PCDHGA3: variants seen among roughly 807,000 people sequenced by gnomAD.
PCDHGA3 encodes protocadherin gamma-A3.
In PCDHGA3, 40 loss-of-function variants were observed where a neutral mutation model predicts 58.5. The ratio of observed to expected loss-of-function variants is 0.68; its 90% CI spans 0.53 to 0.89. PCDHGA3 has a LOEUF of 0.89. Ranked by LOEUF, PCDHGA3 falls within the 40% of genes least tolerant of loss-of-function variation. The pLI is 0.00. For synonymous variants in PCDHGA3, 530 were observed against 525.7 expected, an observed-to-expected ratio of 1.01 and a Z score of -0.11; for missense variants, 1,223 against 1,195.9, an observed-to-expected ratio of 1.02 and a Z score of -0.33.
intron 1 of PCDHGA3, among the ~76,000 whole-genome samples, chr5:141,429,880 G>A (rs1209368869): frequency 6.6e-6 from 1 of 152,104 alleles, no homozygotes; most frequent in Non-Finnish European, 1.5e-5. Context: ...CTTTTACTAA[G>A]TTTCCTGAAC....
intron 1 of PCDHGA3, chr5:141,385,468 A>G: frequency 1.4e-6 from 2 of 1,440,194 alleles, no homozygotes; most frequent in Non-Finnish European, 1.8e-6. Context: ...TTCAGTGGTG[A>G]CACTTTAATA....
intron 1 of PCDHGA3, among the ~76,000 whole-genome samples, chr5:141,466,449 T>C (rs2154569205): frequency 6.6e-6 from 1 of 152,358 alleles, no homozygotes; most frequent in Admixed American, 6.5e-5. Flanking sequence ...ATGTCTATGG[T>C]GTTGGCTATT....
intron 2 of PCDHGA3, among the ~76,000 whole-genome samples, chr5:141,495,662 C>G (rs545912968): frequency 6.6e-6 from 1 of 152,138 alleles, no homozygotes; most frequent in Admixed American, 6.6e-5. Flanking sequence ...TGATCTGTGC[C>G]GCCCACTGTG....
At chr5:141,367,247 T>C (rs1765012558) in intron 1 of PCDHGA3, 1 of 153,262 alleles carries the variant, frequency 6.5e-6, no homozygotes, top group South Asian at 2.0e-4. Context: ...GTCATAAATA[T>C]CAGAAAAGAG....
At chr5:141,362,044 G>A (rs571731822) in intron 1 of PCDHGA3, 12 of 1,610,458 alleles carry the variant, frequency 7.5e-6, no homozygotes, top group Non-Finnish European at 1.0e-5. Flanking sequence ...CGACAGGGAC[G>A]CGGCCCGCCA....
chr5:141,375,676 G>A, intron 1 of PCDHGA3: 1 of 1,614,220 alleles, frequency 6.2e-7, no homozygotes, highest in Middle Eastern at 1.6e-4. Flanking sequence ...TACAGCTGTG[G>A]GTGACAGCCA....
intron 1 of PCDHGA3, chr5:141,375,524 G>T: frequency 6.2e-7 from 1 of 1,613,986 alleles, no homozygotes; most frequent in Admixed American, 1.7e-5. Flanking sequence ...GGACCCTGAC[G>T]TGGACCAGAA....
chr5:141,375,417 C>G lies in PCDHGA3; in HGVS notation c.2424+28960C>G. ...ATCATCTCTCTAAATGTGGCAGACA[C>G]CAACGACAACCCGCCCACCTTCCCC... On this transcript the variant is annotated intron_variant, in intron 1 of 3. Coordinates refer to ENST00000253812, the MANE Select transcript of PCDHGA3 (RefSeq NM_018916.4). The G allele has an allele frequency of 1.9e-6, 3 of 1,613,976 alleles. No homozygotes were observed. The South Asian group carries it at 3.3e-5, about 18-fold the overall frequency.
At chr5:141,388,348 G>A in intron 1 of PCDHGA3, 1 of 1,613,974 alleles carries the variant, frequency 6.2e-7, no homozygotes, top group South Asian at 1.1e-5. Flanking sequence ...TTTATATTAG[G>A]ATCTGCCCAT....
chr5:141,382,310 C>T (rs1423976376), intron 1 of PCDHGA3, among the ~76,000 whole-genome samples: 1 of 152,178 alleles, frequency 6.6e-6, no homozygotes, highest in African/African-American at 2.4e-5. Flanking sequence ...AATTTATATA[C>T]ACTGATGTAA....
chr5:141,375,526 G>A (rs377448744), intron 1 of PCDHGA3: 1 of 1,614,008 alleles, frequency 6.2e-7, no homozygotes, highest in Non-Finnish European at 8.5e-7. Flanking sequence ...ACCCTGACGT[G>A]GACCAGAACG....
intron 1 of PCDHGA3, chr5:141,430,691 G>A (rs1479214920): frequency 7.1e-7 from 1 of 1,416,592 alleles, no homozygotes; most frequent in Non-Finnish European, 9.4e-7. Context: ...CCATTCTATG[G>A]GCGAAGGAAC....
chr5:141,436,591 G>A (rs903125499), intron 1 of PCDHGA3, among the ~76,000 whole-genome samples: 8 of 152,154 alleles, frequency 5.3e-5, no homozygotes, highest in Non-Finnish European at 1.0e-4. Context: ...TTGAAAGGTC[G>A]TGGTGATGGC....
chr5:141,398,111 T>C, intron 1 of PCDHGA3: 1 of 1,594,080 alleles, frequency 6.3e-7, no homozygotes, highest in East Asian at 2.2e-5. Context: ...GTGAGCAAGC[T>C]GAGGAGAGCA....
chr5:141,409,203 T>TC, intron 1 of PCDHGA3: 1 of 1,613,964 alleles, frequency 6.2e-7, no homozygotes, highest in Non-Finnish European at 8.5e-7. Context: ...TGTAAAGTAA[T>TC]CATAGAAATC....
intron 1 of PCDHGA3, chr5:141,389,322 G>A: frequency 6.2e-7 from 1 of 1,613,984 alleles, no homozygotes; most frequent in East Asian, 2.2e-5. Flanking sequence ...TCCGGACTTG[G>A]GGCCCAACGG....
chr5:141,499,275 C>T (rs1259707742), intron 2 of PCDHGA3, among the ~76,000 whole-genome samples: 1 of 152,178 alleles, frequency 6.6e-6, no homozygotes, highest in African/African-American at 2.4e-5. Flanking sequence ...CTAGACTGTT[C>T]TCTGATGGCT....
Position 141,474,743 on chromosome 5 carries a change from T to A in PCDHGA3, c.2425-20064T>A, listed in dbSNP as rs113053006. Among the ~76,000 whole-genome samples the A allele has an allele frequency of 4.0e-3, 610 of 152,354 alleles. 8 individuals carry two copies. The highest frequency in any genetic ancestry group is 0.014 in the African/African-American group (593 of 41,580). On this transcript the variant is annotated intron_variant, in intron 1 of 3. Transcript: ENST00000253812. ...AGGACTCTATGCAATCAAAGTGATG[T>A]CCAAGACAAATATACAGAAATAGTA...
chr5:141,473,879 C>G (rs937312573), intron 1 of PCDHGA3, among the ~76,000 whole-genome samples: 2 of 152,120 alleles, frequency 1.3e-5, no homozygotes, highest in Admixed American at 1.3e-4. Context: ...AATGCATACA[C>G]AAGGGTTCTG....
Sources: gnomAD v4.1 joint callset for allele counts (sites outside exome capture counted in the v4.1 genomes callset) on GRCh38, gnomAD v4.1.1 for gene constraint, MANE v1.5 for transcripts, NCBI Gene and HGNC (gene_info 2026-07-23, HGNC 2026-07-21) for gene names.